ADK: variants seen among roughly 807,000 people sequenced by gnomAD.
ADK encodes adenosine kinase, also known as N6,N6-dimethyladenosine kinase.
ADK carries 24 observed loss-of-function variants against 44.7 expected under a neutral mutation model. The ratio of observed to expected loss-of-function variants is 0.54; its 90% CI spans 0.39 to 0.76. The LOEUF (loss-of-function observed/expected upper bound fraction) is 0.76, where lower values mean the gene tolerates loss of function less well. ADK is among the 30% of genes least tolerant of loss of function. The pLI is 0.00. For missense variants in ADK, 321 were observed against 425.1 expected (o/e 0.76, Z 2.15); for synonymous variants, 128 against 142.6 (o/e 0.90, Z 0.73).
chr10:74,486,572 T>C (rs1847274832), intron 6 of ADK, among the ~76,000 whole-genome samples: 3 of 152,314 alleles, frequency 2.0e-5, no homozygotes, highest in Admixed American at 2.0e-4. Context: ...TATGTACTTT[T>C]AGTCAAAATT....
At position 74,394,807 on chromosome 10, in the gene ADK, C is replaced by A. The variant is rs566798996; in HGVS notation, c.446+494C>A. 1.9e-3 allele frequency among the ~76,000 whole-genome samples: 282 copies of A among 152,186 alleles called. 3 individuals carry two copies. Among genetic ancestry groups the A allele is most frequent in the African/African-American group, 6.7e-3 (278 of 41,500 alleles). ...AAATGGTCATCTAAACCATTTCTGG[C>A]AAATAGTAATTCATTCATATTGAAT... On this transcript the variant is annotated intron_variant, in intron 5 of 10. Coordinates refer to ENST00000539909, the MANE Select transcript of ADK (RefSeq NM_006721.4).
At chr10:74,376,423 G>A (rs1473768591) in intron 4 of ADK, among the ~76,000 whole-genome samples, 1 of 151,932 alleles carries the variant, frequency 6.6e-6, no homozygotes, top group African/African-American at 2.4e-5. Context: ...CATACACAGA[G>A]AAAGAATAGT....
At chr10:74,302,090 G>GGTTTTTTTTTTTTTTTT (rs1840055915) in intron 3 of ADK, among the ~76,000 whole-genome samples, 1 of 17,032 alleles carries the variant, frequency 5.9e-5, no homozygotes, top group African/African-American at 2.6e-4. Context: ...TTTCTTTTCT[G>GGTTTTTTTTTTTTTTTT]TTTTTTTTTT....
chr10:74,374,183 G>C (rs1842754320), intron 4 of ADK, among the ~76,000 whole-genome samples: 1 of 152,086 alleles, frequency 6.6e-6, no homozygotes, highest in South Asian at 2.1e-4. Flanking sequence ...TTTGGGGGGT[G>C]TTGAAAAATG....
At chr10:74,435,165 G>A (rs1845139756) in intron 6 of ADK, among the ~76,000 whole-genome samples, 1 of 152,180 alleles carries the variant, frequency 6.6e-6, no homozygotes, top group African/African-American at 2.4e-5. Flanking sequence ...AGGAAGATAT[G>A]ATAGAACAGA....
At chr10:74,296,587 A>T (rs1839823140) in intron 3 of ADK, among the ~76,000 whole-genome samples, 1 of 151,754 alleles carries the variant, frequency 6.6e-6, no homozygotes, top group South Asian at 2.1e-4. Context: ...TACATTATTT[A>T]TCAAAATTTT....
chr10:74,651,302 A>T (rs925360150), intron 9 of ADK, among the ~76,000 whole-genome samples: 3 of 152,176 alleles, frequency 2.0e-5, no homozygotes, highest in African/African-American at 7.2e-5. Context: ...GTCTAGTGAC[A>T]TCCCAAACAT....
intron 4 of ADK, among the ~76,000 whole-genome samples, chr10:74,337,724 T>TGA (rs1366267687): frequency 3.3e-5 from 5 of 152,256 alleles, no homozygotes; most frequent in African/African-American, 1.2e-4. Flanking sequence ...TTACTAACTG[T>TGA]GAGCTTGAAG....
At chr10:74,370,308 A>T (rs1276979909) in intron 4 of ADK, among the ~76,000 whole-genome samples, 1 of 152,214 alleles carries the variant, frequency 6.6e-6, no homozygotes, top group East Asian at 1.9e-4. Context: ...AAACTAAAGG[A>T]ATTTATGTTC....
chr10:74,378,333 C>T (rs1842876259), intron 4 of ADK, among the ~76,000 whole-genome samples: 1 of 151,902 alleles, frequency 6.6e-6, no homozygotes. Flanking sequence ...TGTGCTTTCC[C>T]TTTTTTTCAT....
chr10:74,486,869 A>G (rs1015799347), intron 6 of ADK, among the ~76,000 whole-genome samples: 1 of 152,162 alleles, frequency 6.6e-6, no homozygotes, highest in Non-Finnish European at 1.5e-5. Context: ...TTTCTTAGGA[A>G]CACAAAACTT....
intron 6 of ADK, among the ~76,000 whole-genome samples, chr10:74,498,661 T>A (rs1274518820): frequency 6.6e-6 from 1 of 152,200 alleles, no homozygotes; most frequent in East Asian, 1.9e-4. Flanking sequence ...TATCTCCTAA[T>A]GCTATCCCTC....
chr10:74,501,517 CT>C (rs1426748448), intron 6 of ADK, among the ~76,000 whole-genome samples: 1 of 151,966 alleles, frequency 6.6e-6, no homozygotes, highest in Admixed American at 6.6e-5. Context: ...CCCTTTAAAT[CT>C]TTTTTAAAAG....
chr10:74,624,105 G>A (rs529241578), intron 9 of ADK, among the ~76,000 whole-genome samples: 18 of 152,194 alleles, frequency 1.2e-4, no homozygotes, highest in African/African-American at 3.6e-4. Context: ...CTGGTTACAC[G>A]TGAAATATTA....
chr10:74,479,343 A>T (rs1303246296), intron 6 of ADK, among the ~76,000 whole-genome samples: 5 of 142,982 alleles, frequency 3.5e-5, no homozygotes. Flanking sequence ...TACTATTCCC[A>T]CTGGCCTGGT....
intron 6 of ADK, among the ~76,000 whole-genome samples, chr10:74,439,220 A>T (rs1051513385): frequency 1.3e-5 from 2 of 152,202 alleles, no homozygotes; most frequent in Non-Finnish European, 2.9e-5. Flanking sequence ...ACTGAAAGAG[A>T]CTTGCCCTAG....
intron 6 of ADK, among the ~76,000 whole-genome samples, chr10:74,425,154 CAACCTGGG>C (rs1171243667): frequency 6.6e-6 from 1 of 152,162 alleles, no homozygotes; most frequent in East Asian, 1.9e-4. Flanking sequence ...GGGATACTGT[CAACCTGGG>C]AACACATTCA....
intron 7 of ADK, among the ~76,000 whole-genome samples, chr10:74,567,699 G>GTTTTTTTTTTTT (rs56042541): frequency 6.2e-5 from 7 of 112,382 alleles, no homozygotes; most frequent in Non-Finnish European, 7.0e-5. Context: ...TGTTTTTTTT[G>GTTTTTTTTTTTT]TTTTTTTTTT....
At chr10:74,431,469 G>A (rs913041294) in intron 6 of ADK, among the ~76,000 whole-genome samples, 1 of 152,186 alleles carries the variant, frequency 6.6e-6, no homozygotes, top group African/African-American at 2.4e-5. Flanking sequence ...GGCCGGGCAT[G>A]GTGGCTCATG....
Sources: allele counts gnomAD v4.1 joint callset (sites outside exome capture counted in the v4.1 genomes callset), GRCh38; gene constraint gnomAD v4.1.1; transcripts MANE v1.5; gene names NCBI Gene and HGNC (gene_info 2026-07-23, HGNC 2026-07-21).